CCNB3: variants seen among roughly 807,000 people sequenced by gnomAD.
The protein encoded by CCNB3 is cyclin B3, also known as G2/mitotic-specific cyclin-B3.
CCNB3 carries 12 observed loss-of-function variants against 68.0 expected under a neutral mutation model. The observed-to-expected ratio is 0.18, with a 90% CI of 0.11 to 0.29. The LOEUF is 0.29. Ranked by LOEUF, CCNB3 falls within the 10% of genes least tolerant of loss-of-function variation. The probability of loss-of-function intolerance (pLI) is 1.00; values close to 1 mark genes in which losing one functional copy is unlikely to be tolerated. For missense variants in CCNB3, 904 were observed against 993.1 expected (o/e 0.91, Z 1.21); for synonymous variants, 354 against 388.9 (o/e 0.91, Z 1.06).
chrX:50,341,365 A>AAATC (rs1179234043), intron 8 of CCNB3, among the ~76,000 whole-genome samples: 12 of 107,829 alleles, frequency 1.1e-4, no homozygotes, highest in African/African-American at 4.0e-4. Flanking sequence ...ATAAATAAAT[A>AAATC]AATAAATAAG....
At chrX:50,343,233 G>A (rs1476042078) in intron 9 of CCNB3, among the ~76,000 whole-genome samples, 1 of 109,915 alleles carries the variant, frequency 9.1e-6, no homozygotes, top group Middle Eastern at 4.3e-3. Context: ...GTGTGTGTTT[G>A]TGTCTTCATT....
At chrX:50,205,120 T>G (rs1256060495) in intron 1 of CCNB3, among the ~76,000 whole-genome samples, 170 bp downstream of exon 1, 1 of 112,177 alleles carries the variant, frequency 8.9e-6, no homozygotes, top group Non-Finnish European at 1.9e-5. Flanking sequence ...AACAAACTTT[T>G]CTGGAACATC....
At chrX:50,207,790 T>C in intron 1 of CCNB3, among the ~76,000 whole-genome samples, 1 of 112,102 alleles carries the variant, frequency 8.9e-6, no homozygotes, top group East Asian at 2.8e-4. Flanking sequence ...TCATTTAAAG[T>C]GTACAACTCA....
At position 50,308,535 on chromosome X, in the gene CCNB3, C is replaced by T. The variant is rs782341607; in HGVS notation, c.366C>T (p.Ala122=). 5.8e-6 allele frequency: 7 copies of T among 1,201,689 alleles called. No individual in the cohort carries two copies. Among genetic ancestry groups the T allele is most frequent in the Non-Finnish European group, 5.6e-6 (5 of 887,749 alleles). The change falls in exon 6 of 13, where the codon GCC becomes GCT. Residue 122 remains alanine, a synonymous_variant. Coordinates refer to ENST00000376042, the MANE Select transcript of CCNB3 (RefSeq NM_033031.3). ...AGCTGGAAGTCACACCAGTAGTAGC[C>T]TCTACTACCGTGGTACCAAACATTA... The part of the protein sequence containing the change: ...WHKLEVTPVV[A]STTVVPNIME...
At chrX:50,315,726 A>G (rs1361338971) in intron 8 of CCNB3, among the ~76,000 whole-genome samples, 1 of 111,838 alleles carries the variant, frequency 8.9e-6, no homozygotes, top group African/African-American at 3.3e-5. Flanking sequence ...TTCCATCGCC[A>G]CAAGGATCCC....
At chrX:50,346,563 C>T (rs1210910932) in intron 9 of CCNB3, 89 bp from the exon 10 acceptor site, 1 of 938,013 alleles carries the variant, frequency 1.1e-6, no homozygotes, top group Non-Finnish European at 1.5e-6. Context: ...CCAGGAAATC[C>T]TTCACCCTTC....
intron 1 of CCNB3, among the ~76,000 whole-genome samples, chrX:50,223,515 C>A (rs1273398259): frequency 4.5e-5 from 5 of 112,234 alleles, no homozygotes; most frequent in African/African-American, 1.6e-4. Flanking sequence ...TTCTAACAGT[C>A]AGGCCCTTCT....
At chrX:50,281,045 G>A (rs1480413978) in intron 1 of CCNB3, among the ~76,000 whole-genome samples, 2 of 110,831 alleles carry the variant, frequency 1.8e-5, no homozygotes, top group Non-Finnish European at 3.8e-5. Context: ...TACGGGAGTA[G>A]GCCACCGCGC....
At chrX:50,208,783 T>C (rs782360398) in intron 1 of CCNB3, among the ~76,000 whole-genome samples, 3 of 112,104 alleles carry the variant, frequency 2.7e-5, no homozygotes, top group Admixed American at 9.5e-5. Flanking sequence ...AGTGCTCCCT[T>C]TTCTATTTTC....
chrX:50,203,553 G>C (rs1935299667), upstream of CCNB3, among the ~76,000 whole-genome samples: 1 of 112,245 alleles, frequency 8.9e-6, no homozygotes, highest in Non-Finnish European at 1.9e-5. Context: ...ATGACATTTA[G>C]AGCAGCTTCA....
At chrX:50,227,221 AAT>A (rs1413048267) in intron 1 of CCNB3, among the ~76,000 whole-genome samples, 41 of 81,948 alleles carry the variant, frequency 5.0e-4, no homozygotes, top group African/African-American at 1.4e-3. Context: ...ATATATACAG[AAT>A]ATATATATAA....
chrX:50,343,914 G>A (rs996007146), intron 9 of CCNB3, among the ~76,000 whole-genome samples: 1 of 111,621 alleles, frequency 9.0e-6, no homozygotes, highest in Non-Finnish European at 1.9e-5. Context: ...AATTGTACAG[G>A]TACAGTGTTT....
At chrX:50,218,274 T>C (rs1407649900) in intron 1 of CCNB3, among the ~76,000 whole-genome samples, 1 of 111,864 alleles carries the variant, frequency 8.9e-6, no homozygotes, top group East Asian at 2.8e-4. Context: ...TTATTGATCA[T>C]AGAGTTCTCG....
rs200926387 is a variant in CCNB3 at position 50,310,950 on chromosome X, C to T, written c.2781C>T (p.Phe927=). ...KMSTINEAVL[F]EDMIALNEKP... ...CTACCATCAATGAGGCAGTCCTCTT[C>T]GAAGATATGATAGCTCTGAATGAGA... is the stretch of plus-strand genomic sequence containing the variant. Residue 927 remains phenylalanine (F), a synonymous_variant, in exon 6 of 13, where the codon TTC becomes TTT. Coordinates refer to ENST00000376042, the MANE Select transcript of CCNB3 (RefSeq NM_033031.3). 97 of 1,210,436 alleles carry T rather than the reference C, an allele frequency of 8.0e-5. No homozygotes were observed. The highest frequency in any genetic ancestry group is 4.6e-4 in the Middle Eastern group (2 of 4,376).
intron 1 of CCNB3, among the ~76,000 whole-genome samples, chrX:50,215,552 T>C (rs1302439750): frequency 3.6e-5 from 4 of 110,550 alleles, no homozygotes; most frequent in Non-Finnish European, 7.6e-5. Context: ...CCTTGCTGAT[T>C]TTTTATCTAG....
Position 50,296,955 on chromosome X carries a change from CA to C in CCNB3, c.335+1963del, listed in dbSNP as rs1465575667. On this transcript the variant is annotated intron_variant, in intron 5 of 12. Coordinates refer to ENST00000376042, the MANE Select transcript of CCNB3 (RefSeq NM_033031.3). ...TTCAGAAATGTCTGTTCATATCCTT[CA>C]CCCACTTTTTGATGGGGTTGTTTGC... Among the ~76,000 whole-genome samples, 1,068 of 110,961 alleles carry C rather than the reference CA, an allele frequency of 9.6e-3. 4 individuals carry two copies. The highest frequency in any genetic ancestry group is 0.015 in the Non-Finnish European group (810 of 52,897).
In CCNB3 at chrX:50,309,696, A is replaced by G. The variant is rs782163522; in HGVS notation, c.1527A>G (p.Ile509Met). 28 of 1,206,749 alleles carry G rather than the reference A, an allele frequency of 2.3e-5. No individual in the cohort carries two copies. The African/African-American group carries it at 4.8e-4, about 21-fold the overall frequency. The stretch of plus-strand genomic sequence containing the variant: ...TGTCCCACTTGAAGAAACCACTAAT[A>G]TTACAGACCACCTCTGGAGAAAAGT... ...GTMSHLKKPL[I>M]LQTTSGEKSL... is the part of the protein sequence containing the mutation. Residue 509 changes from isoleucine (I) to methionine (M), a missense_variant, in exon 6 of 13, where the codon ATA (isoleucine) becomes ATG (methionine). Around this residue, in one of 2 missense-constraint regions of CCNB3, gnomAD observed 619 missense variants for 609.8 expected, o/e 1.02. Transcript: ENST00000376042.
intron 1 of CCNB3, among the ~76,000 whole-genome samples, chrX:50,228,875 T>A (rs1278528693): frequency 1.4e-5 from 1 of 69,588 alleles, no homozygotes; most frequent in East Asian, 4.2e-4. Flanking sequence ...ATATGTAGAA[T>A]ATATATGTAG....
chrX:50,205,931 G>A (rs1557205439), intron 1 of CCNB3, among the ~76,000 whole-genome samples: 1 of 102,129 alleles, frequency 9.8e-6, no homozygotes, highest in Non-Finnish European at 2.0e-5. Context: ...CTGAACGACA[G>A]AGTGAGACTC....
Sources: allele counts gnomAD v4.1 joint callset (sites outside exome capture counted in the v4.1 genomes callset), GRCh38; gene constraint gnomAD v4.1.1; regional missense constraint gnomAD v4.1.1; transcripts MANE v1.5; gene names NCBI Gene and HGNC (gene_info 2026-07-23, HGNC 2026-07-21).